Variants in DPP6 observed in about 807,000 individuals in gnomAD.
DPP6 encodes dipeptidyl peptidase like 6.
In DPP6, 69 loss-of-function variants were observed where a neutral mutation model predicts 122.6. The ratio of observed to expected loss-of-function variants is 0.56; its 90% CI spans 0.46 to 0.69. The LOEUF (loss-of-function observed/expected upper bound fraction) is 0.69. DPP6 is among the 30% of genes least tolerant of loss of function. The pLI, the probability that DPP6 is intolerant of heterozygous loss-of-function variation, is 0.00. For missense variants in DPP6, 928 were observed against 1,116.9 expected (o/e 0.83, Z 2.41); for synonymous variants, 418 against 433.1 (o/e 0.97, Z 0.43).
At chr7:154,802,640 C>T (rs1798442261) in intron 13 of DPP6, among the ~76,000 whole-genome samples, 2 of 152,252 alleles carry the variant, frequency 1.3e-5, no homozygotes, top group Non-Finnish European at 2.9e-5. Flanking sequence ...AGGTGGATTA[C>T]CTGAGATCAG....
intron 12 of DPP6, among the ~76,000 whole-genome samples, chr7:154,799,429 A>T (rs1798225410): frequency 6.6e-6 from 1 of 152,174 alleles, no homozygotes; most frequent in African/African-American, 2.4e-5. Flanking sequence ...GTCAGTCCTG[A>T]TGCAGACCCA....
intron 8 of DPP6, among the ~76,000 whole-genome samples, chr7:154,768,105 G>A (rs574466362): frequency 1.3e-4 from 20 of 152,228 alleles, no homozygotes; most frequent in East Asian, 1.9e-4. Context: ...CATGGGCAGC[G>A]TGCCTGCTGC....
intron 1 of DPP6, among the ~76,000 whole-genome samples, chr7:154,108,776 G>A (rs112200780): frequency 8.5e-5 from 13 of 152,288 alleles, no homozygotes; most frequent in Non-Finnish European, 1.8e-4. Context: ...CCACTGGGGC[G>A]GACAGGTTCT....
At chr7:154,763,705 C>T (rs867533717) in intron 8 of DPP6, among the ~76,000 whole-genome samples, 2 of 152,210 alleles carry the variant, frequency 1.3e-5, no homozygotes, top group African/African-American at 2.4e-5. Context: ...CTTAGAGAAA[C>T]AGCAGCAAGT....
intron 6 of DPP6, among the ~76,000 whole-genome samples, chr7:154,654,419 T>TTCTC (rs1837102593): frequency 2.2e-5 from 2 of 89,254 alleles, no homozygotes; most frequent in South Asian, 4.9e-4. Flanking sequence ...CTTTCTTTCT[T>TTCTC]TCTTTCTTTC....
chr7:153,750,078 ACTAT>A, the DPP6 span, among the ~76,000 whole-genome samples: 9 of 152,298 alleles, frequency 5.9e-5, no homozygotes, highest in East Asian at 3.9e-4. Flanking sequence ...AACTCCAAAC[ACTAT>A]CTACTTGTTC....
At chr7:154,183,912 C>G (rs1364208710) in intron 1 of DPP6, among the ~76,000 whole-genome samples, 1 of 152,246 alleles carries the variant, frequency 6.6e-6, no homozygotes, top group Admixed American at 6.5e-5. Flanking sequence ...AGGGGCCCTG[C>G]ACTATTTGCG....
At chr7:153,750,161 T>G in the DPP6 span, among the ~76,000 whole-genome samples, 5 of 152,244 alleles carry the variant, frequency 3.3e-5, no homozygotes, top group African/African-American at 1.2e-4. Flanking sequence ...GTTTGAGTTA[T>G]GTAAGATGAG....
chr7:153,872,148 C>G, the DPP6 span, among the ~76,000 whole-genome samples: 2 of 152,264 alleles, frequency 1.3e-5, no homozygotes, highest in African/African-American at 4.8e-5. Context: ...CAGTTTTTTT[C>G]CCAAGTGTCT....
intron 16 of DPP6, among the ~76,000 whole-genome samples, chr7:154,838,126 G>A (rs1455314999): frequency 6.6e-6 from 1 of 152,200 alleles, no homozygotes; most frequent in Non-Finnish European, 1.5e-5. Flanking sequence ...ACGAGGACAG[G>A]AATACAAGGA....
At chr7:154,752,783 C>A (rs1434100495) in intron 8 of DPP6, among the ~76,000 whole-genome samples, 1 of 152,178 alleles carries the variant, frequency 6.6e-6, no homozygotes, top group African/African-American at 2.4e-5. Flanking sequence ...CAGAGAGAGC[C>A]AGAAGGTTCT....
At chr7:154,807,361 C>T (rs1377561888) in intron 16 of DPP6, among the ~76,000 whole-genome samples, 2 of 152,172 alleles carry the variant, frequency 1.3e-5, no homozygotes, top group Non-Finnish European at 2.9e-5. Context: ...GTTCTGTGCA[C>T]ACTGTGCCAG....
intron 1 of DPP6, among the ~76,000 whole-genome samples, chr7:154,137,658 T>TGGGGGGGGGGGGGGGGGG (rs1163077821): frequency 2.1e-5 from 1 of 48,384 alleles, no homozygotes; most frequent in Non-Finnish European, 4.2e-5. Flanking sequence ...GGTGGGGGGG[T>TGGGGGGGGGGGGGGGGGG]GGGGGGGGTG....
rs149796595 is a variant in DPP6, at chr7:154,709,145, A to G, written c.763-18622A>G. Among the ~76,000 whole-genome samples, 898 of 152,298 alleles carry G rather than the reference A, an allele frequency of 5.9e-3. 9 individuals are homozygous for G. Among genetic ancestry groups the G allele is most frequent in the African/African-American group, 0.021 (861 of 41,558 alleles). ...TAGTTTTATTAAAAACCAGATTTAT[A>G]CCTCTCCTACCAACACACATACATC... On this transcript the variant is annotated intron_variant, in intron 7 of 25. Transcript: ENST00000377770.
chr7:154,853,309 A>G lies in DPP6; in HGVS notation c.1667-471A>G, dbSNP rs1802550259. ...AAATATAGTTTGACATTTTCAAAAT[A>G]TTCCTGTTACATGAATACGTTTTTA... On this transcript the variant is annotated intron_variant, in intron 16 of 25. Coordinates refer to ENST00000377770, the MANE Select transcript of DPP6 (RefSeq NM_130797.4). Among the ~76,000 whole-genome samples the G allele has an allele frequency of 2.0e-5, 3 of 152,176 alleles. No homozygotes were observed. In the South Asian group the frequency reaches 6.2e-4, roughly 31 times the overall value.
At chr7:154,306,032 T>A (rs1275720667) in intron 1 of DPP6, among the ~76,000 whole-genome samples, 1 of 152,166 alleles carries the variant, frequency 6.6e-6, no homozygotes, top group Non-Finnish European at 1.5e-5. Flanking sequence ...GAAAATGAGC[T>A]TACTGAAAGG....
At chr7:153,872,577 A>G in the DPP6 span, among the ~76,000 whole-genome samples, 1 of 152,242 alleles carries the variant, frequency 6.6e-6, no homozygotes, top group Non-Finnish European at 1.5e-5. Context: ...AATGCTTACT[A>G]TTAGCCATGC....
chr7:154,661,719 G>GGT (rs1563073412), intron 6 of DPP6, among the ~76,000 whole-genome samples: 32 of 144,630 alleles, frequency 2.2e-4, no homozygotes, highest in African/African-American at 8.2e-4. Context: ...ATGGCATATT[G>GGT]GCCGTAGTGT....
upstream of DPP6, among the ~76,000 whole-genome samples, chr7:153,886,826 A>C (rs1490385807): frequency 6.6e-6 from 1 of 152,120 alleles, no homozygotes; most frequent in African/African-American, 2.4e-5. Flanking sequence ...CGACGGGCAC[A>C]GCCGCGTCTG....
Sources: allele counts gnomAD v4.1 joint callset (sites outside exome capture counted in the v4.1 genomes callset), GRCh38; gene constraint gnomAD v4.1.1; transcripts MANE v1.5; gene names NCBI Gene and HGNC (gene_info 2026-07-23, HGNC 2026-07-21).